Variants in NLGN4X observed in about 807,000 individuals in gnomAD.
NLGN4X encodes neuroligin-4, X-linked.
In NLGN4X, 3 loss-of-function variants were observed where a neutral mutation model predicts 40.3. The ratio of observed to expected loss-of-function variants is 0.07; its 90% CI spans 0.03 to 0.19. NLGN4X has a LOEUF of 0.19. Ranked by LOEUF, NLGN4X falls within the 10% of genes least tolerant of loss-of-function variation. The probability of loss-of-function intolerance (pLI) is 1.00; values close to 1 mark genes in which losing one functional copy is unlikely to be tolerated. For missense variants in NLGN4X, 382 were observed against 708.3 expected (o/e 0.54, Z 5.23); for synonymous variants, 270 against 306.8 (o/e 0.88, Z 1.25).
intron 2 of NLGN4X, among the ~76,000 whole-genome samples, chrX:6,036,768 A>G (rs1400843459): frequency 2.7e-5 from 3 of 111,330 alleles, no homozygotes; most frequent in Non-Finnish European, 5.6e-5. Flanking sequence ...ACCTCTGTGC[A>G]GAACTGGCTT....
intron 3 of NLGN4X, among the ~76,000 whole-genome samples, chrX:6,009,524 T>C (rs2036192998): frequency 1.8e-5 from 2 of 112,467 alleles, no homozygotes; most frequent in Non-Finnish European, 3.8e-5. Context: ...ATGTCAACAA[T>C]TGAGATTTTC....
At chrX:5,959,711 G>A in intron 3 of NLGN4X, among the ~76,000 whole-genome samples, 1 of 111,742 alleles carries the variant, frequency 8.9e-6, no homozygotes, top group East Asian at 2.8e-4. Context: ...GACATCACAG[G>A]ATGGATGGGG....
chrX:5,996,266 C>T (rs1044930781), intron 3 of NLGN4X, among the ~76,000 whole-genome samples: 6 of 112,472 alleles, frequency 5.3e-5, no homozygotes, highest in Non-Finnish European at 1.1e-4. Flanking sequence ...GCCTGCCAGC[C>T]TGTGGCTCAG....
chrX:6,053,137 T>A (rs1259698758), intron 2 of NLGN4X, among the ~76,000 whole-genome samples: 2 of 111,702 alleles, frequency 1.8e-5, no homozygotes, highest in African/African-American at 3.3e-5. Flanking sequence ...AATCCCCCCA[T>A]GAGACTGAAG....
intron 1 of NLGN4X, among the ~76,000 whole-genome samples, chrX:6,152,119 T>A (rs934552753): frequency 1.8e-5 from 2 of 110,612 alleles, no homozygotes; most frequent in Non-Finnish European, 1.9e-5. Flanking sequence ...TCCGGCTAAT[T>A]CGTTGGATTT....
intron 2 of NLGN4X, among the ~76,000 whole-genome samples, chrX:6,070,861 A>C (rs929504286): frequency 2.7e-5 from 3 of 111,466 alleles, no homozygotes; most frequent in African/African-American, 9.8e-5. Flanking sequence ...AAACCATCAG[A>C]TCTCGTGAGA....
chrX:6,055,270 G>A (rs2037592815), intron 2 of NLGN4X, among the ~76,000 whole-genome samples: 1 of 112,067 alleles, frequency 8.9e-6, no homozygotes, highest in African/African-American at 3.2e-5. Context: ...CTAGCCGGGA[G>A]GATCATTTGA....
intron 1 of NLGN4X, among the ~76,000 whole-genome samples, chrX:6,191,863 A>T (rs993616097): frequency 4.5e-5 from 5 of 110,708 alleles, no homozygotes; most frequent in Middle Eastern, 4.7e-3. Flanking sequence ...TATCTCAAAT[A>T]AAAAAAAAGT....
At chrX:5,918,596 T>C (rs2032902889) in intron 3 of NLGN4X, among the ~76,000 whole-genome samples, 1 of 112,468 alleles carries the variant, frequency 8.9e-6, no homozygotes, top group Non-Finnish European at 1.9e-5. Context: ...ACTAAAATTG[T>C]CCTGCTGGCT....
intron 3 of NLGN4X, among the ~76,000 whole-genome samples, chrX:5,919,422 C>A (rs1394121225): frequency 9.0e-6 from 1 of 111,690 alleles, no homozygotes; most frequent in Admixed American, 9.5e-5. Flanking sequence ...CGTGTTACTG[C>A]ATAAGGTAGG....
chrX:6,187,971 A>G lies in NLGN4X; in HGVS notation c.-305-36200T>C, dbSNP rs1158643418. On this transcript the variant is annotated intron_variant, in intron 1 of 5. Coordinates refer to ENST00000381095, the MANE Select transcript of NLGN4X (RefSeq NM_181332.3). Reference sequence around the variant, plus strand: ...AATTAAGTCGGGGAAATTTTTGAATAAACAACAAAATATATTTATTTTCGT... The same window carrying G: ...AATTAAGTCGGGGAAATTTTTGAATGAACAACAAAATATATTTATTTTCGT... Among the ~76,000 whole-genome samples, 12 of 112,631 alleles carry G rather than the reference A, an allele frequency of 1.1e-4. No homozygotes were observed. The East Asian group carries it at 3.1e-3, about 29-fold the overall frequency.
In NLGN4X at chrX:5,968,457, CTGTGTGTGTGTGTGTGTG is replaced by C. The variant is rs529573810; in HGVS notation, c.626-59236_626-59219del. Among the ~76,000 whole-genome samples, 30 of 47,021 alleles carry C rather than the reference CTGTGTGTGTGTGTGTGTG, an allele frequency of 6.4e-4. 2 individuals are homozygous for C. The highest frequency in any genetic ancestry group is 1.2e-3 in the Admixed American group (4 of 3,215). The allele number at this position is 47,021 out of a possible 115,157, so 40.8% of individuals were successfully genotyped here. The stretch of plus-strand genomic sequence containing the variant: ...AGTACCCCTCTCTCTCTCTCTCTCT[CTGTGTGTGTGTGTGTGTG>C]TGTGTGTGTGTGTGTGTGTGTGTGT... On this transcript the variant is annotated intron_variant, in intron 3 of 5. Coordinates refer to ENST00000381095, the MANE Select transcript of NLGN4X (RefSeq NM_181332.3).
At chrX:6,093,075 C>T (rs2038681260) in intron 2 of NLGN4X, among the ~76,000 whole-genome samples, 2 of 110,408 alleles carry the variant, frequency 1.8e-5, no homozygotes, top group South Asian at 7.6e-4. Flanking sequence ...TCAATATTGA[C>T]ATGAAACTGA....
At chrX:6,227,300 AC>A (rs1465663244) in intron 1 of NLGN4X, 1 of 108,610 alleles carries the variant, frequency 9.2e-6, no homozygotes, top group Non-Finnish European at 1.9e-5. Flanking sequence ...CACCTCGGGG[AC>A]TGGCGGACCG....
intron 1 of NLGN4X, among the ~76,000 whole-genome samples, chrX:6,216,200 G>A (rs1925077434): frequency 9.0e-6 from 1 of 111,582 alleles, no homozygotes; most frequent in African/African-American, 3.3e-5. Context: ...TTTTTTTCCT[G>A]TCATATAGGT....
intron 3 of NLGN4X, among the ~76,000 whole-genome samples, chrX:5,998,467 G>T (rs2035891523): frequency 9.1e-6 from 1 of 110,272 alleles, no homozygotes; most frequent in Non-Finnish European, 1.9e-5. Context: ...GTCCCCTATG[G>T]TTCCTTTAAG....
intron 3 of NLGN4X, among the ~76,000 whole-genome samples, chrX:6,028,662 GA>G (rs61696018): frequency 0.34 from 23,906 of 70,656 alleles, 2,779 homozygotes; most frequent in African/African-American, 0.5. Flanking sequence ...CCATCTCAAA[GA>G]AAAAAAAAAA....
chrX:5,991,525 G>T, intron 3 of NLGN4X: 1 of 517,155 alleles, frequency 1.9e-6, no homozygotes, highest in South Asian at 2.5e-5. Context: ...GTTTTCTGCT[G>T]AGTGAGATGG....
rs191472457 is a variant in NLGN4X, at chrX:6,213,494, C to A, written c.-306+15047G>T. Among the ~76,000 whole-genome samples the A allele has an allele frequency of 3.4e-3, 386 of 111,917 alleles. 1 individual carries two copies. Among genetic ancestry groups the A allele is most frequent in the African/African-American group, 0.011 (352 of 30,829 alleles). Reference sequence around the variant, plus strand: ...TGTGATGTCAGTTCTTAGTAACGTACTAATGTTGGTTCCTTAAGTGTAACA... The same window carrying A: ...TGTGATGTCAGTTCTTAGTAACGTAATAATGTTGGTTCCTTAAGTGTAACA... On this transcript the variant is annotated intron_variant, in intron 1 of 5. Transcript: ENST00000381095.
Sources: allele counts gnomAD v4.1 joint callset (sites outside exome capture counted in the v4.1 genomes callset), GRCh38; gene constraint gnomAD v4.1.1; transcripts MANE v1.5; gene names NCBI Gene and HGNC (gene_info 2026-07-23, HGNC 2026-07-21).